Variants in SORCS1 observed in about 807,000 individuals in gnomAD.
SORCS1 encodes VPS10 domain-containing receptor SorCS1.
A neutral mutation model predicts 146.1 loss-of-function variants in SORCS1; 60 were observed. The ratio of observed to expected loss-of-function variants is 0.41; its 90% CI spans 0.33 to 0.51. The LOEUF (loss-of-function observed/expected upper bound fraction) is 0.51. Ranked by LOEUF, SORCS1 falls within the 20% of genes least tolerant of loss-of-function variation. The probability of loss-of-function intolerance (pLI) is 0.21; values close to 1 mark genes in which losing one functional copy is unlikely to be tolerated. For missense variants in SORCS1, 1,352 were observed against 1,487.6 expected, an observed-to-expected ratio of 0.91 and a Z score of 1.50; for synonymous variants, 637 against 584.0, an observed-to-expected ratio of 1.09 and a Z score of -1.31.
intron 24 of SORCS1, among the ~76,000 whole-genome samples, chr10:106,580,531 A>G (rs1844842226): frequency 6.6e-6 from 1 of 152,164 alleles, no homozygotes; most frequent in African/African-American, 2.4e-5. Context: ...AAGACAAGCC[A>G]CATGTACTCC....
At chr10:107,177,685 A>G in the SORCS1 span, among the ~76,000 whole-genome samples, 1 of 152,218 alleles carries the variant, frequency 6.6e-6, no homozygotes, top group African/African-American at 2.4e-5. Context: ...GTAATGATCA[A>G]ATCAGCGCAT....
chr10:107,176,707 C>G, the SORCS1 span, among the ~76,000 whole-genome samples: 12 of 152,134 alleles, frequency 7.9e-5, no homozygotes, highest in African/African-American at 2.9e-4. Context: ...GAATGTTGTA[C>G]AAATTCAATT....
intron 1 of SORCS1, among the ~76,000 whole-genome samples, chr10:106,976,521 T>C (rs959235726): frequency 5.9e-5 from 9 of 151,812 alleles, no homozygotes; most frequent in Admixed American, 2.0e-4. Context: ...TTAGTAGAGA[T>C]GGGGTTTCAC....
intron 3 of SORCS1, among the ~76,000 whole-genome samples, chr10:106,803,365 G>T (rs541424474): frequency 3.3e-5 from 5 of 152,072 alleles, no homozygotes; most frequent in African/African-American, 1.2e-4. Flanking sequence ...ACATACCAGG[G>T]CACTTGACCA....
intron 4 of SORCS1, among the ~76,000 whole-genome samples, chr10:106,766,573 G>A (rs943480296): frequency 4.6e-5 from 7 of 152,076 alleles, no homozygotes; most frequent in African/African-American, 1.7e-4. Flanking sequence ...CCATGCAAAG[G>A]GGAACCAAAA....
At chr10:106,860,635 G>A (rs1949971080) in intron 2 of SORCS1, among the ~76,000 whole-genome samples, 1 of 152,178 alleles carries the variant, frequency 6.6e-6, no homozygotes, top group Non-Finnish European at 1.5e-5. Flanking sequence ...TTCAAACTCA[G>A]GCAGTTAGGC....
intron 10 of SORCS1, among the ~76,000 whole-genome samples, chr10:106,685,723 A>C (rs1400552607): frequency 3.3e-5 from 5 of 152,110 alleles, no homozygotes; most frequent in Non-Finnish European, 7.4e-5. Context: ...CAGGGAGGAG[A>C]ACTACACAGG....
chr10:107,027,025 T>C (rs943547669), intron 1 of SORCS1, among the ~76,000 whole-genome samples: 3 of 121,062 alleles, frequency 2.5e-5, no homozygotes, highest in East Asian at 2.2e-4. Context: ...TATGTGTATA[T>C]ATATATATAA....
At chr10:107,120,281 A>T (rs994374542) in intron 1 of SORCS1, among the ~76,000 whole-genome samples, 1 of 152,236 alleles carries the variant, frequency 6.6e-6, no homozygotes, top group Non-Finnish European at 1.5e-5. Flanking sequence ...AATACAGCAT[A>T]AAGCATCTCT....
Position 106,956,554 on chromosome 10 carries a change from A to C in SORCS1, c.585T>G (p.Tyr195Ter). The C allele has an allele frequency of 1.2e-6, 2 of 1,614,222 alleles. No individual in the cohort carries two copies. The highest frequency in any genetic ancestry group is 1.7e-6 in the Non-Finnish European group (2 of 1,180,022). ...SSVILILTKLYDYNLGSITES... is the reference protein window; with the variant it reads ...SSVILILTKL ...CTGTGATGCTCCCCAGGTTATAGTC[A>C]TAGAGCTTTGTCAAAATGAGAATCA... Residue 195 changes from tyrosine (Y) to a stop codon, truncating the protein, a stop_gained, in exon 2 of 26, where the codon TAT (tyrosine) becomes TAG (stop). Coordinates refer to ENST00000263054, the MANE Select transcript of SORCS1 (RefSeq NM_052918.5). LOFTEE classifies it high-confidence loss of function.
At chr10:107,140,700 A>T (rs942011844) in intron 1 of SORCS1, among the ~76,000 whole-genome samples, 2 of 152,230 alleles carry the variant, frequency 1.3e-5, no homozygotes, top group African/African-American at 4.8e-5. Flanking sequence ...CTTTCAAGAC[A>T]TCTATAGCTC....
intron 1 of SORCS1, among the ~76,000 whole-genome samples, chr10:106,967,805 C>G (rs1955569459): frequency 6.6e-6 from 1 of 152,090 alleles, no homozygotes; most frequent in African/African-American, 2.4e-5. Flanking sequence ...ACCTGATACA[C>G]AGCTGCTCAA....
intron 2 of SORCS1, among the ~76,000 whole-genome samples, chr10:106,844,377 C>A (rs1949212739): frequency 6.6e-6 from 1 of 151,926 alleles, no homozygotes; most frequent in South Asian, 2.1e-4. Flanking sequence ...AAAATAAAAT[C>A]ATTTCTAAGA....
the SORCS1 span, among the ~76,000 whole-genome samples, chr10:107,171,513 C>CT: frequency 1.3e-5 from 1 of 76,576 alleles, no homozygotes; most frequent in Non-Finnish European, 2.8e-5. Context: ...AGGGAATCCC[C>CT]CTTTTTTTTT....
intron 1 of SORCS1, among the ~76,000 whole-genome samples, chr10:107,003,431 T>TGTGC (rs1227354872): frequency 2.5e-5 from 1 of 39,408 alleles, no homozygotes; most frequent in Non-Finnish European, 4.4e-5. Flanking sequence ...TTCCCATAAG[T>TGTGC]GTGTGTGTGT....
chr10:107,096,500 T>A (rs373633638), intron 1 of SORCS1, among the ~76,000 whole-genome samples: 4 of 152,244 alleles, frequency 2.6e-5, no homozygotes, highest in African/African-American at 9.6e-5. Context: ...GCTACACCTA[T>A]CAATATTTTT....
intron 10 of SORCS1, among the ~76,000 whole-genome samples, chr10:106,681,088 T>C (rs941123657): frequency 1.3e-5 from 2 of 152,206 alleles, no homozygotes; most frequent in Non-Finnish European, 2.9e-5. Flanking sequence ...TAATGTTCTA[T>C]AGGACTAAAG....
At chr10:106,613,221 G>T (rs1414849857) in intron 21 of SORCS1, among the ~76,000 whole-genome samples, 1 of 152,088 alleles carries the variant, frequency 6.6e-6, no homozygotes, top group African/African-American at 2.4e-5. Flanking sequence ...GAGTTAGTTT[G>T]GTTCTCCAGG....
chr10:107,154,879 A>G (rs1372712624), intron 1 of SORCS1, among the ~76,000 whole-genome samples: 2 of 152,224 alleles, frequency 1.3e-5, no homozygotes, highest in African/African-American at 4.8e-5. Flanking sequence ...ATCTCTGTTA[A>G]TCATCAAGCC....
Sources: allele counts gnomAD v4.1 joint callset (sites outside exome capture counted in the v4.1 genomes callset), GRCh38; gene constraint gnomAD v4.1.1; transcripts MANE v1.5; gene names NCBI Gene and HGNC (gene_info 2026-07-23, HGNC 2026-07-21).